Variants in ASPH observed in about 807,000 individuals in gnomAD.
ASPH encodes aspartyl/asparaginyl beta-hydroxylase.
In ASPH, 100 loss-of-function variants were observed where a neutral mutation model predicts 118.4. The observed-to-expected ratio is 0.84, with a 90% CI of 0.72 to 1.00. The LOEUF (loss-of-function observed/expected upper bound fraction) is 1.00, where lower values mean the gene tolerates loss of function less well. Ranked by LOEUF, ASPH falls within the 50% of genes least tolerant of loss-of-function variation. The probability of loss-of-function intolerance (pLI) is 0.00; values close to 1 mark genes in which losing one functional copy is unlikely to be tolerated. For missense variants in ASPH, 920 were observed against 919.5 expected (o/e 1.00, Z -0.01); for synonymous variants, 315 against 325.6 (o/e 0.97, Z 0.35).
chr8:61,606,976 G>C (rs1588007745), intron 14 of ASPH: 1 of 299,910 alleles, frequency 3.3e-6, no homozygotes, highest in East Asian at 5.9e-5. Flanking sequence ...CACTACTTGA[G>C]GACCAGCTCA....
intron 16 of ASPH, among the ~76,000 whole-genome samples, chr8:61,572,640 C>T (rs908107204): frequency 6.6e-6 from 1 of 152,158 alleles, no homozygotes; most frequent in Non-Finnish European, 1.5e-5. Context: ...CACCAACTGC[C>T]CACTTCCCTC....
rs7826255 is a variant in ASPH at position 61,576,979 on chromosome 8, A to T, written c.1063-121T>A. On this transcript the variant is annotated intron_variant, in intron 15 of 24. Coordinates refer to ENST00000379454, the MANE Select transcript of ASPH (RefSeq NM_004318.4). Reference sequence around the variant, plus strand: ...TTCCTAGATTCCATCCTGAGTGTAAAGATAGTTTTATCTAAGATTTTAAAA... The same window carrying T: ...TTCCTAGATTCCATCCTGAGTGTAATGATAGTTTTATCTAAGATTTTAAAA... The T allele has an allele frequency of 9.0e-5, 69 of 762,510 alleles. 1 individual carries two copies. The highest frequency in any genetic ancestry group is 2.8e-4 in the East Asian group (10 of 35,542). The allele number at this position is 762,510 out of a possible 1,614,324, so 47.2% of individuals were successfully genotyped here.
intron 21 of ASPH, among the ~76,000 whole-genome samples, chr8:61,536,319 G>A (rs10106775): frequency 0.64 from 97,440 of 152,078 alleles, 35,573 homozygotes; most frequent in Non-Finnish European, 0.82. Flanking sequence ...GATTACAGGC[G>A]TGAGCCACCG....
intron 1 of ASPH, among the ~76,000 whole-genome samples, chr8:61,708,908 C>T (rs887571737): frequency 6.8e-6 from 1 of 147,954 alleles, no homozygotes; most frequent in African/African-American, 2.5e-5. Flanking sequence ...GTCAATTCAC[C>T]AATGCTCTCC....
intron 16 of ASPH, among the ~76,000 whole-genome samples, chr8:61,574,937 C>A (rs1834641282): frequency 6.6e-6 from 1 of 152,166 alleles, no homozygotes; most frequent in African/African-American, 2.4e-5. Flanking sequence ...AGGTCACAGC[C>A]TCCTTGATCC....
chr8:61,635,421 C>G (rs990189076), intron 12 of ASPH, among the ~76,000 whole-genome samples: 1 of 152,094 alleles, frequency 6.6e-6, no homozygotes, highest in Non-Finnish European at 1.5e-5. Flanking sequence ...TTATATTCAT[C>G]TTAAAACTCA....
At chr8:61,627,766 G>A (rs1853589301) in intron 13 of ASPH, among the ~76,000 whole-genome samples, 1 of 152,104 alleles carries the variant, frequency 6.6e-6, no homozygotes, top group South Asian at 2.1e-4. Flanking sequence ...TCCAATAAAT[G>A]TCTGAAGACC....
intron 14 of ASPH, among the ~76,000 whole-genome samples, chr8:61,612,542 T>G (rs772503315): frequency 9.2e-5 from 14 of 152,232 alleles, no homozygotes; most frequent in Non-Finnish European, 1.9e-4. Context: ...TGGCTAATTT[T>G]TGTATTTTTA....
intron 1 of ASPH, among the ~76,000 whole-genome samples, chr8:61,698,697 TC>T (rs1834521303): frequency 1.3e-5 from 2 of 152,154 alleles, no homozygotes; most frequent in South Asian, 4.1e-4. Context: ...CCTGAAGCTA[TC>T]TAGGGGCTGT....
intron 3 of ASPH, chr8:61,662,691 A>G (rs899626250): frequency 7.0e-6 from 2 of 285,514 alleles, no homozygotes; most frequent in Non-Finnish European, 1.1e-5. Context: ...AGGGGAAAAG[A>G]AGAGAGATGG....
chr8:61,591,747 C>T (rs1040942290), intron 14 of ASPH, among the ~76,000 whole-genome samples: 3 of 152,032 alleles, frequency 2.0e-5, no homozygotes, highest in East Asian at 3.9e-4. Context: ...CAGTAGGCAC[C>T]GAGACTGAAG....
chr8:61,700,160 G>A, intron 1 of ASPH, among the ~76,000 whole-genome samples: 1 of 152,178 alleles, frequency 6.6e-6, no homozygotes, highest in East Asian at 1.9e-4. Flanking sequence ...CACAGGGAGG[G>A]TCCATACCAG....
chr8:61,640,378 T>C (rs543544973), intron 10 of ASPH, among the ~76,000 whole-genome samples: 1 of 152,340 alleles, frequency 6.6e-6, no homozygotes, highest in East Asian at 1.9e-4. Context: ...TGAACGTCCT[T>C]GATCTTGCTC....
chr8:61,505,914 C>T (rs1447146296), intron 24 of ASPH, among the ~76,000 whole-genome samples: 1 of 152,194 alleles, frequency 6.6e-6, no homozygotes, highest in Non-Finnish European at 1.5e-5. Context: ...TTTTCTAGGT[C>T]TCAGTGTTGT....
At chr8:61,526,172 T>C in intron 21 of ASPH, 60 bp from the exon 22 acceptor site, 1 of 1,593,328 alleles carries the variant, frequency 6.3e-7, no homozygotes, top group Non-Finnish European at 8.5e-7. Flanking sequence ...CACCTCATAA[T>C]GACTCTTGTT....
chr8:61,583,879 C>G, intron 15 of ASPH, 65 bp downstream of exon 15: 1 of 914,590 alleles, frequency 1.1e-6, no homozygotes. Flanking sequence ...TTTTTTTTAA[C>G]AAATCAAGAG....
intron 14 of ASPH, among the ~76,000 whole-genome samples, chr8:61,614,502 T>C (rs1235269274): frequency 3.9e-5 from 6 of 152,228 alleles, no homozygotes; most frequent in Admixed American, 3.9e-4. Context: ...TTCTTTTCCC[T>C]TGAGTCAGGA....
At chr8:61,592,997 T>C (rs1424227209) in intron 14 of ASPH, among the ~76,000 whole-genome samples, 5 of 152,206 alleles carry the variant, frequency 3.3e-5, no homozygotes, top group African/African-American at 1.2e-4. Flanking sequence ...CAAACCTGAA[T>C]CTACGAGTGT....
At chr8:61,561,048 G>C (rs1039648763) in intron 18 of ASPH, among the ~76,000 whole-genome samples, 3 of 139,126 alleles carry the variant, frequency 2.2e-5, no homozygotes, top group African/African-American at 8.1e-5. Flanking sequence ...GGAAGGAAGG[G>C]AAGAAGGAAG....
Sources: allele counts gnomAD v4.1 joint callset (sites outside exome capture counted in the v4.1 genomes callset), GRCh38; gene constraint gnomAD v4.1.1; transcripts MANE v1.5; gene names NCBI Gene and HGNC (gene_info 2026-07-23, HGNC 2026-07-21).